MCM2: variants seen among roughly 807,000 people sequenced by gnomAD.
MCM2 encodes the protein minichromosome maintenance complex component 2, also known as DNA replication licensing factor MCM2.
Under a neutral mutation model 86.4 loss-of-function variants are expected in MCM2, and 49 were observed. That is an observed-to-expected ratio of 0.57 (90% confidence interval 0.45 to 0.72). The LOEUF is 0.72. MCM2 is among the 30% of genes least tolerant of loss of function. The probability of loss-of-function intolerance (pLI) is 0.00; values close to 1 mark genes in which losing one functional copy is unlikely to be tolerated. For synonymous variants in MCM2, 475 were observed against 484.6 expected, an observed-to-expected ratio of 0.98 and a Z score of 0.26; for missense variants, 1,038 against 1,259.9, an observed-to-expected ratio of 0.82 and a Z score of 2.67.
intron 1 of MCM2, chr3:127,599,059 G>C: frequency 1.8e-6 from 1 of 557,490 alleles, no homozygotes; most frequent in Non-Finnish European, 3.2e-6. Context: ...CATGGAGAAA[G>C]CACGGTGATG....
chr3:127,609,015 G>A lies in MCM2; in HGVS notation c.1420G>A (p.Gly474Arg), dbSNP rs745669398. ...TAGCCTCTCCAAGGATCAGCAGATC[G>A]GAGAGAAGGTAGGTGGAAGGCAGGG... ...ITSLSKDQQI[G>R]EKIFASIAPS... The change falls in exon 8 of 16, where the codon GGA becomes AGA. Residue 474 changes from glycine to arginine, a missense_variant. Transcript: ENST00000265056. 13 of 1,613,792 alleles carry A rather than the reference G, an allele frequency of 8.1e-6. No individual in the cohort carries two copies. The East Asian group carries it at 8.9e-5, about 11-fold the overall frequency.
In MCM2 at chr3:127,619,239, G is replaced by A. The variant is rs1475221184; in HGVS notation, c.2226G>A (p.Lys742=). ...HPKLNQMDQD[K]VAKMYSDLRK... ...AGCTCAACCAGATGGACCAGGACAA[G>A]GTGGCCAAGATGTACAGTGACCTGA... Residue 742 remains lysine, a synonymous_variant, in exon 13 of 16, where the codon AAG becomes AAA. Transcript: ENST00000265056. 2 of 1,614,174 alleles carry A rather than the reference G, an allele frequency of 1.2e-6. No individual in the cohort carries two copies. The highest frequency in any genetic ancestry group is 3.3e-5 in the Admixed American group (2 of 60,028).
In MCM2 at chr3:127,606,662, A is replaced by G. The variant is rs973113292; in HGVS notation, c.946A>G (p.Thr316Ala). 3 of 1,614,086 alleles carry G rather than the reference A, an allele frequency of 1.9e-6. No individual in the cohort carries two copies. The highest frequency in any genetic ancestry group is 1.7e-5 in the Admixed American group (1 of 60,010). ...CACCAGTGGGGTGGTGACCAGCTGC[A>G]CTGGCGTCCTGCCCCAGCTCAGCAT... ...IRTSGVVTSC[T>A]GVLPQLSMVK... is the part of the protein sequence containing the mutation. Residue 316 changes from threonine (T) to alanine (A), a missense_variant, in exon 6 of 16, where the codon ACT (threonine) becomes GCT (alanine). Physicochemically the swap from Thr to Ala is moderately conservative, Grantham distance 58. Around this residue, in one of 4 missense-constraint regions of MCM2, gnomAD observed 399 missense variants for 507.2 expected, o/e 0.79. Coordinates refer to ENST00000265056, the MANE Select transcript of MCM2 (RefSeq NM_004526.4). This position sits in a 1 kb window ranked among gnomAD's most constrained non-coding sequence, Gnocchi z 4.2.
chr3:127,614,358 C>A (rs1175207677), intron 8 of MCM2, among the ~76,000 whole-genome samples: 1 of 152,156 alleles, frequency 6.6e-6, no homozygotes, highest in Non-Finnish European at 1.5e-5. Context: ...GTTCACATTT[C>A]CCTGATTATC....
Position 127,606,645 on chromosome 3 carries a change from G to T in MCM2, c.929G>T (p.Gly310Val). 1 of 1,614,186 alleles carries T rather than the reference G, an allele frequency of 6.2e-7. No individual in the cohort carries two copies. Among genetic ancestry groups the T allele is most frequent in the Non-Finnish European group, 8.5e-7 (1 of 1,180,046 alleles). ...LHLNQLIRTS[G>V]VVTSCTGVLP... ...CTGAACCAGCTGATCCGCACCAGTG[G>T]GGTGGTGACCAGCTGCACTGGCGTC... Residue 310 changes from glycine (G) to valine (V), a missense_variant, in exon 6 of 16, where the codon GGG becomes GTG. Transcript: ENST00000265056. The surrounding 1 kb of genome is among the most constrained non-coding windows in gnomAD (Gnocchi z 4.2).
At position 127,617,266 on chromosome 3, in the gene MCM2, T is replaced by C. The variant is rs770834673; in HGVS notation, c.1774-13T>C. The C allele has an allele frequency of 2.5e-6, 4 of 1,614,012 alleles. No individual in the cohort carries two copies. The East Asian group carries it at 8.9e-5, about 36-fold the overall frequency. ...GTGAACCATGCTAAGGGTGGGCCATTTTAATCTTGCAGATGAATGACCAGG... is the reference window on the plus strand; with the variant it reads ...GTGAACCATGCTAAGGGTGGGCCATCTTAATCTTGCAGATGAATGACCAGG... On this transcript the variant is annotated splice_polypyrimidine_tract_variant and intron_variant, in intron 10 of 15. Transcript: ENST00000265056. This position sits in a 1 kb window ranked among gnomAD's most constrained non-coding sequence, Gnocchi z 4.1.
Position 127,615,939 on chromosome 3 carries a change from G to T in MCM2, c.1506G>T (p.Gly502=). Residue 502 remains glycine (G), a synonymous_variant, in exon 9 of 16, where the codon GGG becomes GGT. Transcript: ENST00000265056. ...GCCTGGCTCTGGCCCTGTTCGGAGGGGAGCCCAAAAACCCAGGTGAGCACC... is the reference window on the plus strand; with the variant it reads ...GCCTGGCTCTGGCCCTGTTCGGAGGTGAGCCCAAAAACCCAGGTGAGCACC... ...KRGLALALFG[G]EPKNPGGKHK... 1 of 1,614,142 alleles carries T rather than the reference G, an allele frequency of 6.2e-7. No homozygotes were observed. The highest frequency in any genetic ancestry group is 8.5e-7 in the Non-Finnish European group (1 of 1,180,014).
chr3:127,615,701 G>C (rs200851735), intron 8 of MCM2, among the ~76,000 whole-genome samples, 161 bp from the exon 9 acceptor site: 1 of 152,252 alleles, frequency 6.6e-6, no homozygotes, highest in East Asian at 1.9e-4. Flanking sequence ...AAGCTTTAGA[G>C]TCGGGCACGG....
At chr3:127,608,731 G>A in intron 7 of MCM2, 101 bp from the exon 8 acceptor site, 1 of 1,285,630 alleles carries the variant, frequency 7.8e-7, no homozygotes, top group Non-Finnish European at 1.1e-6. Context: ...CTTGGTGTCT[G>A]TAGTGTGGAG....
At chr3:127,608,638 G>T in intron 7 of MCM2, 122 bp downstream of exon 7, 1 of 1,391,436 alleles carries the variant, frequency 7.2e-7, no homozygotes, top group Non-Finnish European at 9.9e-7. Flanking sequence ...ATCTGTTTTT[G>T]CATGGCTGAG....
At position 127,615,575 on chromosome 3, in the gene MCM2, T is replaced by C. The variant is rs114571254; in HGVS notation, c.1429-287T>C. Among the ~76,000 whole-genome samples the C allele has an allele frequency of 2.5e-3, 381 of 152,322 alleles. 4 individuals carry two copies. Among genetic ancestry groups the C allele is most frequent in the Middle Eastern group, 0.017 (5 of 294 alleles). On this transcript the variant is annotated intron_variant, in intron 8 of 15. Transcript: ENST00000265056. ...GACCTGGTTCTGGTCTTATTTCTGCTCTTGGTCTGTGATCTTGGGAAAGGC... is the reference window on the plus strand; with the variant it reads ...GACCTGGTTCTGGTCTTATTTCTGCCCTTGGTCTGTGATCTTGGGAAAGGC...
At chr3:127,613,434 C>G (rs1183243947) in intron 8 of MCM2, among the ~76,000 whole-genome samples, 1 of 152,176 alleles carries the variant, frequency 6.6e-6, no homozygotes, top group Non-Finnish European at 1.5e-5. Flanking sequence ...TTGGCATTGT[C>G]TAGGTAATTT....
Position 127,616,933 on chromosome 3 carries a change from T to G in MCM2, c.1588T>G (p.Ser530Ala). 6.2e-7 allele frequency: 1 copy of G among 1,614,114 alleles called. No individual in the cohort carries two copies. Among genetic ancestry groups the G allele is most frequent in the Non-Finnish European group, 8.5e-7 (1 of 1,180,030 alleles). ...GTGCGGAGACCCTGGCACAGCGAAG[T>G]CGCAGTTTCTCAAGTATATTGAGAA... ...LLCGDPGTAK[S>A]QFLKYIEKVS... The change falls in exon 10 of 16, where the codon TCG becomes GCG. Residue 530 changes from serine to alanine, a missense_variant. Ser to Ala is a moderately conservative substitution (Grantham distance 99, BLOSUM62 1). Around this residue, in one of 4 missense-constraint regions of MCM2, gnomAD observed 399 missense variants for 507.2 expected, o/e 0.79. Coordinates refer to ENST00000265056, the MANE Select transcript of MCM2 (RefSeq NM_004526.4).
At position 127,620,768 on chromosome 3, in the gene MCM2, G is replaced by A. The variant is rs201828053; in HGVS notation, c.2336G>A (p.Arg779His). 4.8e-5 allele frequency: 77 copies of A among 1,613,904 alleles called. No homozygotes were observed. The highest frequency in any genetic ancestry group is 1.3e-4 in the African/African-American group (10 of 74,954). ...ATCCGCATGGCGGAGGCCCACGCGC[G>A]CATCCATCTGCGGGACTATGTGATC... The part of the protein sequence containing the change: ...SMIRMAEAHA[R>H]IHLRDYVIED... Residue 779 changes from arginine (R) to histidine (H), a missense_variant, in exon 14 of 16, where the codon CGC (arginine) becomes CAC (histidine). By Grantham distance (29) the Arg-to-His change is conservative. This residue lies in a region of MCM2 where 336 missense variants were observed against 425.7 expected (regional missense o/e 0.79). Coordinates refer to ENST00000265056, the MANE Select transcript of MCM2 (RefSeq NM_004526.4).
intron 15 of MCM2, 56 bp downstream of exon 15, chr3:127,621,284 TCTC>T (rs754899298): frequency 6.3e-7 from 1 of 1,597,554 alleles, no homozygotes; most frequent in Non-Finnish European, 8.6e-7. Context: ...GAGCTGCCAG[TCTC>T]CTGATGGGGG....
chr3:127,621,681 C>A lies in MCM2; in HGVS notation c.2623C>A (p.His875Asn), dbSNP rs2074479799. 1 of 1,613,628 alleles carries A rather than the reference C, an allele frequency of 6.2e-7. No homozygotes were observed. The highest frequency in any genetic ancestry group is 1.3e-5 in the African/African-American group (1 of 74,906). ...LVDKARQINIHNLSAFYDSEL... is the reference protein window; with the variant it reads ...LVDKARQININNLSAFYDSEL... The stretch of plus-strand genomic sequence containing the variant: ...CTTGCAGGCTCGTCAGATCAACATC[C>A]ACAACCTCTCTGCATTTTATGACAG... Residue 875 changes from histidine to asparagine, a missense_variant, in exon 16 of 16, where the codon CAC (histidine) becomes AAC (asparagine). By Grantham distance (68) the His-to-Asn change is moderately conservative. Coordinates refer to ENST00000265056, the MANE Select transcript of MCM2 (RefSeq NM_004526.4).
In MCM2 at chr3:127,617,218, A is replaced by G. The variant is rs1158525707; in HGVS notation, c.1774-61A>G. ...TGTTAATGGGGTCCATTGGGACCTCATCGGAGACTTAGTAGTAGGGGCGTG... is the reference window on the plus strand; with the variant it reads ...TGTTAATGGGGTCCATTGGGACCTCGTCGGAGACTTAGTAGTAGGGGCGTG... On this transcript the variant is annotated intron_variant, in intron 10 of 15. Transcript: ENST00000265056. The surrounding 1 kb of genome is among the most constrained non-coding windows in gnomAD (Gnocchi z 4.1). 6.2e-7 allele frequency: 1 copy of G among 1,608,320 alleles called. No individual in the cohort carries two copies. The highest frequency in any genetic ancestry group is 1.1e-5 in the South Asian group (1 of 90,634).
Position 127,606,969 on chromosome 3 carries a change from G to C in MCM2, c.1101+152G>C, listed in dbSNP as rs1003453569. 9 of 745,320 alleles carry C rather than the reference G, an allele frequency of 1.2e-5. No individual in the cohort carries two copies. The African/African-American group carries it at 1.4e-4, about 12-fold the overall frequency. The allele number at this position is 745,320 out of a possible 1,614,324, so 46.2% of individuals were successfully genotyped here. ...TTGGCCACACCCTGGGGTGGACCCA[G>C]TCTGTCTGGCCAGTGGACTTAGCTT... On this transcript the variant is annotated intron_variant, in intron 6 of 15. Transcript: ENST00000265056. This position sits in a 1 kb window ranked among gnomAD's most constrained non-coding sequence, Gnocchi z 4.2.
chr3:127,605,521 A>T (rs1436087956), intron 4 of MCM2, among the ~76,000 whole-genome samples: 5 of 146,402 alleles, frequency 3.4e-5, no homozygotes, highest in Admixed American at 6.9e-5. Flanking sequence ...GCTCACTGCA[A>T]CCTCCGCCTC....
Sources: gnomAD v4.1 joint callset for allele counts (sites outside exome capture counted in the v4.1 genomes callset) on GRCh38, gnomAD v4.1.1 for gene constraint, gnomAD v4.1.1 regional missense constraint, Gnocchi (gnomAD v3.1) non-coding constraint, MANE v1.5 for transcripts, NCBI Gene and HGNC (gene_info 2026-07-23, HGNC 2026-07-21) for gene names.